Variants in AARS1 observed in about 807,000 individuals in gnomAD.
The protein encoded by AARS1 is alanyl-tRNA synthetase 1.
In AARS1, 72 loss-of-function variants were observed where a neutral mutation model predicts 108.9. That is an observed-to-expected ratio of 0.66 (90% CI 0.55 to 0.80). The LOEUF (loss-of-function observed/expected upper bound fraction) is 0.80, where lower values mean the gene tolerates loss of function less well. Ranked by LOEUF, AARS1 falls within the 30% of genes least tolerant of loss-of-function variation. The pLI is 0.00. For missense variants in AARS1, 1,193 were observed against 1,233.2 expected, an observed-to-expected ratio of 0.97 and a Z score of 0.49; for synonymous variants, 489 against 465.7, an observed-to-expected ratio of 1.05 and a Z score of -0.64.
rs929683990 is a variant in AARS1, at chr16:70,279,680, A to C, written c.145-2526T>G. On this transcript the variant is annotated intron_variant, in intron 2 of 20. Transcript: ENST00000261772. Reference sequence around the variant, plus strand: ...TGTCTCAAAAAAAAACAAAAAAAAAAAAAAAAAGAAAAGTTTACAAACACT... The same window carrying C: ...TGTCTCAAAAAAAAACAAAAAAAAACAAAAAAAGAAAAGTTTACAAACACT... Among the ~76,000 whole-genome samples, 4 of 151,318 alleles carry C rather than the reference A, an allele frequency of 2.6e-5. No individual in the cohort carries two copies. The East Asian group carries it at 5.8e-4, about 22-fold the overall frequency.
rs868355604 is a variant in AARS1, at chr16:70,261,700, C to T, written c.1672-543G>A. Among the ~76,000 whole-genome samples the T allele has an allele frequency of 2.1e-4, 29 of 139,034 alleles. 1 individual carries two copies. The highest frequency in any genetic ancestry group is 8.8e-4 in the South Asian group (4 of 4,542). The allele number at this position is 139,034 out of a possible 152,430, so 91.2% of individuals were successfully genotyped here. A position where few individuals can be genotyped will look rare whatever the true frequency, so the allele number is the denominator to read the frequency against. The stretch of plus-strand genomic sequence containing the variant: ...TTTTTTTTTTTTTGAGACAGAGTCT[C>T]GCTCAGCCACCCAAGCTGGAGTGCA... On this transcript the variant is annotated intron_variant, in intron 12 of 20. Coordinates refer to ENST00000261772, the MANE Select transcript of AARS1 (RefSeq NM_001605.3).
chr16:70,254,488 A>AG, intron 17 of AARS1, 133 bp downstream of exon 17: 1 of 716,050 alleles, frequency 1.4e-6, no homozygotes, highest in Non-Finnish European at 2.5e-6. Context: ...ACAAGGCTAC[A>AG]GGACAACAGA....
intron 3 of AARS1, 122 bp from the exon 4 acceptor site, chr16:70,276,753 AG>A: frequency 1.6e-6 from 2 of 1,268,646 alleles, no homozygotes; most frequent in South Asian, 2.5e-5. Flanking sequence ...TTCAAATTCA[AG>A]ATCAGTTTAT....
chr16:70,254,405 C>A (rs779762070), intron 17 of AARS1: 29 of 605,126 alleles, frequency 4.8e-5, no homozygotes, highest in Non-Finnish European at 8.1e-5. Flanking sequence ...TTGGGAAGAG[C>A]TCTCCTGCTA....
intron 1 of AARS1, among the ~76,000 whole-genome samples, chr16:70,286,639 C>T (rs980464580): frequency 3.4e-5 from 5 of 147,322 alleles, no homozygotes; most frequent in African/African-American, 1.3e-4. Context: ...AGATCAAGAC[C>T]ATCCTGGCTA....
rs773044144 is a variant in AARS1, at chr16:70,269,795, G to A, written c.817-32C>T. 5.6e-6 allele frequency: 9 copies of A among 1,613,666 alleles called. No individual in the cohort carries two copies. The East Asian group carries it at 2.0e-4, about 36-fold the overall frequency. On this transcript the variant is annotated intron_variant, in intron 6 of 20. Transcript: ENST00000261772. ...ATAAGAATCAGGAGGCAGCCCTTTA[G>A]GAAGCAGACTTTCTGGCGCTACCTT... is the stretch of plus-strand genomic sequence containing the variant.
chr16:70,265,422 C>G, intron 10 of AARS1, 116 bp downstream of exon 10: 11 of 1,502,892 alleles, frequency 7.3e-6, no homozygotes, highest in Non-Finnish European at 9.2e-6. Context: ...AACCACTGAT[C>G]TAGGGGAAAA....
In AARS1 at chr16:70,259,131, G is replaced by A. The variant is rs1960071463; in HGVS notation, c.1841C>T (p.Ala614Val). The change falls in exon 14 of 21, where the codon GCC becomes GTC. Residue 614 changes from alanine to valine, a missense_variant. Transcript: ENST00000261772. ...AGCTTCCCCAAGCACTGAGCGCAGG[G>A]CGAAGTTCAGAATGTGCGTAGCTGT... ...NHTATHILNF[A>V]LRSVLGEADQ... 4 of 1,614,058 alleles carry A rather than the reference G, an allele frequency of 2.5e-6. No homozygotes were observed. The highest frequency in any genetic ancestry group is 3.4e-6 in the Non-Finnish European group (4 of 1,180,036).
At position 70,252,481 on chromosome 16, in the gene AARS1, T is replaced by C. The variant is rs952466564; in HGVS notation, c.*240A>G. 4 of 572,074 alleles carry C rather than the reference T, an allele frequency of 7.0e-6. No homozygotes were observed. Among genetic ancestry groups the C allele is most frequent in the Admixed American group, 6.0e-5 (2 of 33,060 alleles). 35.4% of individuals were successfully genotyped at this position (572,074 alleles called of 1,614,324 possible). On this transcript the variant is annotated 3_prime_UTR_variant, in exon 21 of 21. Transcript: ENST00000261772. ...GGTCTGGAGAGCCGTTATCTATAGATGCGAGCGTGACGATCAACAGCAATG... is the reference window on the plus strand; with the variant it reads ...GGTCTGGAGAGCCGTTATCTATAGACGCGAGCGTGACGATCAACAGCAATG...
intron 11 of AARS1, 67 bp from the exon 12 acceptor site, chr16:70,262,591 AC>A: frequency 6.7e-7 from 1 of 1,489,844 alleles, no homozygotes; most frequent in Non-Finnish European, 9.1e-7. Flanking sequence ...TTCTTGGCTG[AC>A]TTTTGCTGGA....
chr16:70,287,234 G>A (rs1272516582), intron 1 of AARS1, among the ~76,000 whole-genome samples: 7 of 108,628 alleles, frequency 6.4e-5, no homozygotes, highest in Middle Eastern at 0.014. Context: ...CAGCCTGGGC[G>A]ACAGAGCGAG....
chr16:70,278,480 A>G (rs906307389), intron 2 of AARS1, among the ~76,000 whole-genome samples: 17 of 151,244 alleles, frequency 1.1e-4, no homozygotes, highest in African/African-American at 4.1e-4. Context: ...CAAGAGAATC[A>G]CTTGAACCCG....
intron 1 of AARS1, among the ~76,000 whole-genome samples, chr16:70,283,674 C>T (rs1400913791): frequency 1.3e-5 from 2 of 152,140 alleles, no homozygotes; most frequent in South Asian, 4.1e-4. Flanking sequence ...CATGGTGAGG[C>T]GGCTGTCAGC....
Position 70,253,757 on chromosome 16 carries a change from T to A in AARS1, c.2564A>T (p.Gln855Leu). ...TKQFIDSNPNQPLVILEMESG... is the reference protein window; with the variant it reads ...TKQFIDSNPNLPLVILEMESG... Reference sequence around the variant, plus strand: ...CTCCATCTCCAGGATGACAAGAGGCTGGTTGGGGTTGCTGTCGATGAACTG... The same window carrying A: ...CTCCATCTCCAGGATGACAAGAGGCAGGTTGGGGTTGCTGTCGATGAACTG... Residue 855 changes from glutamine (Q) to leucine (L), a missense_variant, in exon 19 of 21, where the codon CAG becomes CTG. Transcript: ENST00000261772. The A allele has an allele frequency of 6.2e-7, 1 of 1,614,172 alleles. No individual in the cohort carries two copies. Among genetic ancestry groups the A allele is most frequent in the South Asian group, 1.1e-5 (1 of 91,088 alleles).
rs1044236166 is a variant in AARS1 at position 70,260,948 on chromosome 16, C to G, written c.1785+96G>C. The G allele has an allele frequency of 5.1e-6, 5 of 977,214 alleles. No homozygotes were observed. In the Admixed American group the frequency reaches 9.5e-5, roughly 19 times the overall value. 60.5% of individuals were successfully genotyped at this position (977,214 alleles called of 1,614,324 possible). On this transcript the variant is annotated intron_variant, in intron 13 of 20. Transcript: ENST00000261772. ...AAGTGCTGGGATTACAAGTGTGAGCCACCACACCCGGCCCAACAGTGACAG... is the reference window on the plus strand; with the variant it reads ...AAGTGCTGGGATTACAAGTGTGAGCGACCACACCCGGCCCAACAGTGACAG...
chr16:70,260,689 G>A (rs1960111612), intron 13 of AARS1, among the ~76,000 whole-genome samples: 1 of 152,028 alleles, frequency 6.6e-6, no homozygotes, highest in Non-Finnish European at 1.5e-5. Context: ...TTGAGGCGGA[G>A]TCTCGCTCTG....
Position 70,289,504 on chromosome 16 carries a change from T to C in AARS1, c.-105A>G, listed in dbSNP as rs1308772044. 2.2e-6 allele frequency: 1 copy of C among 451,674 alleles called. No individual in the cohort carries two copies. Among genetic ancestry groups the C allele is most frequent in the African/African-American group, 2.0e-5 (1 of 49,960 alleles). The allele number at this position is 451,674 out of a possible 1,614,324, so 28.0% of individuals were successfully genotyped here. ...GCACCTATTCCCGCAGACGCGCAGC[T>C]GTACCGGCCTCAGACCACGACCTAC... is the stretch of plus-strand genomic sequence containing the variant. On this transcript the variant is annotated 5_prime_UTR_variant, in exon 1 of 21. Transcript: ENST00000261772.
intron 9 of AARS1, among the ~76,000 whole-genome samples, chr16:70,266,727 G>C (rs1396255923): frequency 1.3e-5 from 2 of 151,994 alleles, no homozygotes; most frequent in South Asian, 2.1e-4. Context: ...TTACCATGTT[G>C]GCCAGGCTGG....
At chr16:70,275,590 G>A (rs1431621116) in intron 4 of AARS1, among the ~76,000 whole-genome samples, 2 of 151,942 alleles carry the variant, frequency 1.3e-5, no homozygotes, top group East Asian at 2.0e-4. Flanking sequence ...GTGAAACCCC[G>A]TCTCTACTAA....
Sources: allele counts gnomAD v4.1 joint callset (sites outside exome capture counted in the v4.1 genomes callset), GRCh38; gene constraint gnomAD v4.1.1; transcripts MANE v1.5; gene names NCBI Gene and HGNC (gene_info 2026-07-23, HGNC 2026-07-21).